ATP10D: variants seen among roughly 807,000 people sequenced by gnomAD.
ATP10D encodes the protein phospholipid-transporting ATPase VD.
Under a neutral mutation model 144.8 loss-of-function variants are expected in ATP10D, and 89 were observed. The ratio of observed to expected loss-of-function variants is 0.61; its 90% CI spans 0.52 to 0.73. The LOEUF (loss-of-function observed/expected upper bound fraction) is 0.73, where lower values mean the gene tolerates loss of function less well. ATP10D is among the 30% of genes least tolerant of loss of function. ATP10D has a pLI of 0.00. For synonymous variants in ATP10D, 571 were observed against 615.1 expected, an observed-to-expected ratio of 0.93 and a Z score of 1.06; for missense variants, 1,603 against 1,714.8, an observed-to-expected ratio of 0.93 and a Z score of 1.15.
intron 15 of ATP10D, among the ~76,000 whole-genome samples, chr4:47,564,822 T>A (rs1719517167): frequency 6.6e-6 from 1 of 152,254 alleles, no homozygotes; most frequent in African/African-American, 2.4e-5. Flanking sequence ...CCATTCTTCT[T>A]CAGCAGTCAG....
At chr4:47,541,493 A>C (rs1368591566) in intron 9 of ATP10D, among the ~76,000 whole-genome samples, 1 of 152,196 alleles carries the variant, frequency 6.6e-6, no homozygotes, top group East Asian at 1.9e-4. Flanking sequence ...GTTTAGAACA[A>C]AGGTTTATAT....
Position 47,558,026 on chromosome 4 carries a change from C to A in ATP10D, c.2187C>A (p.Asp729Glu). 1 of 1,614,176 alleles carries A rather than the reference C, an allele frequency of 6.2e-7. No homozygotes were observed. Among genetic ancestry groups the A allele is most frequent in the Non-Finnish European group, 8.5e-7 (1 of 1,179,998 alleles). ...CNLCYEAESP[D>E]EAALVYAARA... ...TGTGTTATGAGGCCGAGAGCCCAGA[C>A]GAAGCGGCCTTAGTGTATGCCGCCA... The change falls in exon 12 of 23, where the codon GAC (aspartate) becomes GAA (glutamate). Residue 729 changes from aspartate to glutamate, a missense_variant. By Grantham distance (45) the Asp-to-Glu change is conservative. Coordinates refer to ENST00000273859, the MANE Select transcript of ATP10D (RefSeq NM_020453.4).
chr4:47,528,119 A>G lies in ATP10D; in HGVS notation c.776+2477A>G, dbSNP rs180725911. Among the ~76,000 whole-genome samples, 24 of 152,228 alleles carry G rather than the reference A, an allele frequency of 1.6e-4. No individual in the cohort carries two copies. The East Asian group carries it at 3.7e-3, about 23-fold the overall frequency. ...TTTTAATTTTATTTTTATAGGTTCAATGGTCTTTGTGCAGATTTATTACAT... is the reference window on the plus strand; with the variant it reads ...TTTTAATTTTATTTTTATAGGTTCAGTGGTCTTTGTGCAGATTTATTACAT... On this transcript the variant is annotated intron_variant, in intron 5 of 22. Transcript: ENST00000273859.
chr4:47,582,291 G>A (rs1029595433), intron 21 of ATP10D, among the ~76,000 whole-genome samples: 2 of 152,188 alleles, frequency 1.3e-5, no homozygotes, highest in African/African-American at 4.8e-5. Flanking sequence ...GGTAGTATCA[G>A]TGGTGGAGGG....
intron 13 of ATP10D, chr4:47,560,403 T>C (rs1719231480): frequency 6.6e-6 from 1 of 152,464 alleles, no homozygotes; most frequent in Admixed American, 6.5e-5. Flanking sequence ...CAAAGGAGAA[T>C]GGCGTGAACC....
intron 5 of ATP10D, among the ~76,000 whole-genome samples, chr4:47,528,986 C>T (rs993841922): frequency 6.6e-6 from 1 of 151,706 alleles, no homozygotes; most frequent in African/African-American, 2.4e-5. Context: ...TGTCTTTTGT[C>T]TACTGTTTTG....
intron 3 of ATP10D, among the ~76,000 whole-genome samples, chr4:47,517,968 T>C (rs1335012291): frequency 6.6e-6 from 1 of 152,302 alleles, no homozygotes; most frequent in South Asian, 2.1e-4. Flanking sequence ...TATAATTTGC[T>C]TTTGTTTGGT....
intron 4 of ATP10D, 98 bp from the exon 5 acceptor site, chr4:47,525,459 C>CT: frequency 1.2e-6 from 1 of 861,684 alleles, no homozygotes. Context: ...TGCAAAAAGG[C>CT]TTAGCATTAT....
intron 19 of ATP10D, among the ~76,000 whole-genome samples, chr4:47,577,463 G>A (rs1421482747): frequency 2.0e-5 from 3 of 152,188 alleles, no homozygotes; most frequent in African/African-American, 7.2e-5. Flanking sequence ...TCTGTGGTAT[G>A]TGACCTTGGT....
chr4:47,490,066 T>C (rs1037109378), intron 1 of ATP10D, among the ~76,000 whole-genome samples: 3 of 152,206 alleles, frequency 2.0e-5, no homozygotes, highest in African/African-American at 7.2e-5. Context: ...AAATCAATTT[T>C]GACCTGTCTC....
At chr4:47,569,227 C>G in intron 16 of ATP10D, 81 bp downstream of exon 16, 1 of 1,462,876 alleles carries the variant, frequency 6.8e-7, no homozygotes, top group Non-Finnish European at 9.3e-7. Flanking sequence ...CTTTCTTCTC[C>G]CACTGTTCCT....
chr4:47,558,887 CTGGT>C (rs1719131417), intron 12 of ATP10D, 32 bp from the exon 13 acceptor site: 1 of 1,488,746 alleles, frequency 6.7e-7, no homozygotes, highest in East Asian at 2.3e-5. Context: ...ATTTGGCAGA[CTGGT>C]AGGAACTCAA....
At chr4:47,557,580 A>G (rs977473953) in intron 11 of ATP10D, 84 bp from the exon 12 acceptor site, 38 of 1,363,970 alleles carry the variant, frequency 2.8e-5, no homozygotes, top group Non-Finnish European at 3.6e-5. Context: ...CTCTTTTTAT[A>G]TCTAATTTAT....
chr4:47,492,163 G>A (rs989754148), intron 1 of ATP10D, among the ~76,000 whole-genome samples: 2 of 152,150 alleles, frequency 1.3e-5, no homozygotes, highest in African/African-American at 4.8e-5. Context: ...TAGGCACAGT[G>A]CATTGTTTAA....
At chr4:47,496,941 G>A (rs935057905) in intron 1 of ATP10D, among the ~76,000 whole-genome samples, 12 of 151,812 alleles carry the variant, frequency 7.9e-5, no homozygotes, top group South Asian at 2.1e-4. Flanking sequence ...TCCTGGGTTC[G>A]AGTGATTCTC....
chr4:47,586,972 G>C (rs373539583), intron 21 of ATP10D, 47 bp from the exon 22 acceptor site: 35 of 1,568,970 alleles, frequency 2.2e-5, no homozygotes, highest in Admixed American at 5.0e-5. Context: ...TGGCAATACT[G>C]TATCAGTGAC....
At chr4:47,487,335 C>T (rs911219364) in intron 1 of ATP10D, among the ~76,000 whole-genome samples, 1 of 151,698 alleles carries the variant, frequency 6.6e-6, no homozygotes, top group Non-Finnish European at 1.5e-5. Flanking sequence ...ACAGAGGTGA[C>T]TCACCTGTCA....
chr4:47,562,567 A>G (rs1253909830), intron 14 of ATP10D, among the ~76,000 whole-genome samples: 1 of 152,228 alleles, frequency 6.6e-6, no homozygotes, highest in Non-Finnish European at 1.5e-5. Flanking sequence ...ATGCAGAGAA[A>G]AGGGAACGCT....
chr4:47,557,964 G>A lies in ATP10D; in HGVS notation c.2125G>A (p.Ala709Thr), dbSNP rs992491743. Residue 709 changes from alanine to threonine, a missense_variant, in exon 12 of 23, where the codon GCA becomes ACA. Coordinates refer to ENST00000273859, the MANE Select transcript of ATP10D (RefSeq NM_020453.4). The part of the protein sequence containing the change: ...HGDAGLLNGK[A>T]ESLPGQPLAC... ...TGATGCAGGCCTCCTGAATGGCAAGGCAGAGTCCCTCCCTGGACAGCCATT... is the reference window on the plus strand; with the variant it reads ...TGATGCAGGCCTCCTGAATGGCAAGACAGAGTCCCTCCCTGGACAGCCATT... 5 of 1,614,040 alleles carry A rather than the reference G, an allele frequency of 3.1e-6. No individual in the cohort carries two copies. The African/African-American group carries it at 5.3e-5, about 17-fold the overall frequency.
Sources: gnomAD v4.1 joint callset for allele counts (sites outside exome capture counted in the v4.1 genomes callset) on GRCh38, gnomAD v4.1.1 for gene constraint, MANE v1.5 for transcripts, NCBI Gene and HGNC (gene_info 2026-07-23, HGNC 2026-07-21) for gene names.